The following CCP110 variants were observed in gnomAD, a reference collection of about 807,000 sequenced individuals.
The protein encoded by CCP110 is centriolar coiled-coil protein 110.
CCP110 carries 43 observed loss-of-function variants against 105.5 expected under a neutral mutation model. The observed-to-expected ratio is 0.41, with a 90% CI of 0.32 to 0.53. CCP110 has a LOEUF of 0.53. Among genes scored for constraint, CCP110 ranks in the 20% least tolerant of loss-of-function variants. CCP110 has a pLI of 0.32. For synonymous variants in CCP110, 353 were observed against 392.1 expected, an observed-to-expected ratio of 0.90 and a Z score of 1.18; for missense variants, 1,016 against 1,189.1, an observed-to-expected ratio of 0.85 and a Z score of 2.14.
chr16:19,545,907 A>C lies in CCP110; in HGVS notation c.2777+17A>C. On this transcript the variant is annotated intron_variant, in intron 11 of 14. Transcript: ENST00000381396. ...ATACATGAAGTAAGTTTTTTGTATC[A>C]TGTCATGTTAGTTATCAAACCAATT... is the stretch of plus-strand genomic sequence containing the variant. 1 of 1,450,120 alleles carries C rather than the reference A, an allele frequency of 6.9e-7. No individual in the cohort carries two copies. Among genetic ancestry groups the C allele is most frequent in the Non-Finnish European group, 9.6e-7 (1 of 1,036,380 alleles). 89.8% of individuals were successfully genotyped at this position (1,450,120 alleles called of 1,614,324 possible).
At chr16:19,552,853 A>G (rs997918212) in exon 15 of CCP110, 2 of 152,158 alleles carry the variant, frequency 1.3e-5, no homozygotes, top group African/African-American at 2.4e-5. Flanking sequence ...TGTAAACTTG[A>G]TTTTCTTTAT....
intron 12 of CCP110, chr16:19,546,829 A>C (rs1970477890): frequency 6.3e-6 from 1 of 158,516 alleles, no homozygotes; most frequent in Admixed American, 6.3e-5. Context: ...AAAAAAAAAA[A>C]AAAAAGTTAA....
intron 4 of CCP110, among the ~76,000 whole-genome samples, chr16:19,539,092 A>G (rs931969342): frequency 6.7e-6 from 1 of 150,228 alleles, no homozygotes; most frequent in African/African-American, 2.5e-5. Context: ...AGCCTGGGTG[A>G]CAGAGCCAGA....
intron 4 of CCP110, among the ~76,000 whole-genome samples, chr16:19,539,552 C>T (rs1970204912): frequency 6.6e-6 from 1 of 151,808 alleles, no homozygotes; most frequent in South Asian, 2.1e-4. Flanking sequence ...CAGGGTTTCA[C>T]CATGTTGGCC....
At chr16:19,541,801 A>G in intron 5 of CCP110, 86 bp from the exon 6 acceptor site, 2 of 633,168 alleles carry the variant, frequency 3.2e-6, no homozygotes, top group Non-Finnish European at 5.2e-6. Context: ...TGATAATTAC[A>G]TGTACTTTTG....
chr16:19,542,679 C>T (rs1425973088), exon 7 of CCP110: 3 of 1,613,322 alleles, frequency 1.9e-6, no homozygotes, highest in Non-Finnish European at 1.7e-6. Flanking sequence ...CACCATTCTA[C>T]CTCTGGGGAT....
exon 4 of CCP110, chr16:19,537,495 C>G (rs1597263139): frequency 1.2e-6 from 2 of 1,611,128 alleles, no homozygotes; most frequent in Non-Finnish European, 8.5e-7. Context: ...AGTGGAATAA[C>G]TGAACAAGAA....
At chr16:19,552,963 A>C (rs1970688382) in exon 15 of CCP110, 1 of 152,234 alleles carries the variant, frequency 6.6e-6, no homozygotes, top group East Asian at 1.9e-4. Context: ...CAAAGTATCA[A>C]ATTGTCTTCT....
intron 3 of CCP110, among the ~76,000 whole-genome samples, chr16:19,534,872 C>CTT (rs35522152): frequency 1.3e-3 from 132 of 100,530 alleles, no homozygotes; most frequent in African/African-American, 2.7e-3. Flanking sequence ...AATATTCAGA[C>CTT]TTTTTTTTTT....
At position 19,541,649 on chromosome 16, in the gene CCP110, G is replaced by GGAGAGAGAGA. The variant is rs142905705; in HGVS notation, c.2050-213_2050-204dup. Among the ~76,000 whole-genome samples the GGAGAGAGAGA allele has an allele frequency of 2.3e-5, 3 of 128,920 alleles. No individual in the cohort carries two copies. In the East Asian group the frequency reaches 6.8e-4, roughly 29 times the overall value. The allele number at this position is 128,920 out of a possible 152,430, so 84.6% of individuals were successfully genotyped here. On this transcript the variant is annotated intron_variant, in intron 5 of 14. Coordinates refer to ENST00000381396, the Ensembl canonical transcript of CCP110. ...TCTTGAAACAAGAAAGAGAGAGAGA[G>GGAGAGAGAGA]GAGAGAGAGAGAGAGAGAGAGAGAG...
intron 3 of CCP110, among the ~76,000 whole-genome samples, chr16:19,535,297 A>C (rs979728565): frequency 3.3e-5 from 5 of 152,110 alleles, no homozygotes; most frequent in African/African-American, 4.8e-5. Context: ...ATTCTTTTGC[A>C]AAGTTGGATT....
intron 2 of CCP110, among the ~76,000 whole-genome samples, chr16:19,528,612 G>A (rs1222726828): frequency 6.6e-6 from 1 of 152,152 alleles, no homozygotes; most frequent in Non-Finnish European, 1.5e-5. Flanking sequence ...TCCAGACTCT[G>A]GGCCAGGCAC....
chr16:19,540,836 G>A (rs1405947523), intron 5 of CCP110, 49 bp downstream of exon 5: 1 of 1,578,250 alleles, frequency 6.3e-7, no homozygotes, highest in Middle Eastern at 1.7e-4. Context: ...TTTAGCCAAG[G>A]ATACCTATGA....
chr16:19,527,176 C>T (rs770931614), intron 1 of CCP110: 37 of 152,068 alleles, frequency 2.4e-4, no homozygotes, highest in Admixed American at 8.5e-4. Flanking sequence ...CAGAGCCAAT[C>T]GATTTGCTCT....
At chr16:19,542,134 T>A in intron 6 of CCP110, 70 bp downstream of exon 6, 1 of 1,031,388 alleles carries the variant, frequency 9.7e-7, no homozygotes, top group Non-Finnish European at 1.4e-6. Context: ...TGGCACACTA[T>A]AAGATTATAT....
chr16:19,545,322 A>C, intron 10 of CCP110, 112 bp downstream of exon 10: 1 of 568,628 alleles, frequency 1.8e-6, no homozygotes, highest in South Asian at 2.6e-5. Flanking sequence ...CTTAAGCACA[A>C]GTAATTCCTG....
intron 12 of CCP110, chr16:19,546,707 C>G (rs1970472558): frequency 6.5e-6 from 2 of 309,070 alleles, no homozygotes; most frequent in South Asian, 4.1e-5. Context: ...CCCAGCTACT[C>G]AAGAGGCTGA....
intron 4 of CCP110, among the ~76,000 whole-genome samples, chr16:19,537,996 T>C (rs1022313516): frequency 2.6e-5 from 4 of 152,214 alleles, no homozygotes; most frequent in East Asian, 1.9e-4. Context: ...ACTCATGAGC[T>C]TGAGTGAGCC....
intron 2 of CCP110, among the ~76,000 whole-genome samples, chr16:19,529,533 C>T (rs1376709820): frequency 6.6e-6 from 1 of 152,074 alleles, no homozygotes; most frequent in African/African-American, 2.4e-5. Context: ...GTCATCTTTG[C>T]TTTATTGTGT....
Sources: allele counts gnomAD v4.1 joint callset (sites outside exome capture counted in the v4.1 genomes callset), GRCh38; gene constraint gnomAD v4.1.1; transcripts MANE v1.5; gene names NCBI Gene and HGNC (gene_info 2026-07-23, HGNC 2026-07-21).